Variants in PCDHA3 observed in about 807,000 individuals in gnomAD.
PCDHA3 encodes protocadherin alpha 3, also known as protocadherin alpha-3.
In PCDHA3, 41 loss-of-function variants were observed where a neutral mutation model predicts 62.2. The observed-to-expected ratio is 0.66, with a 90% CI of 0.51 to 0.86. PCDHA3 has a LOEUF of 0.86. Ranked by LOEUF, PCDHA3 falls within the 40% of genes least tolerant of loss-of-function variation. PCDHA3 has a pLI of 0.00. For missense variants in PCDHA3, 1,304 were observed against 1,241.2 expected, an observed-to-expected ratio of 1.05 and a Z score of -0.76; for synonymous variants, 640 against 555.4, an observed-to-expected ratio of 1.15 and a Z score of -2.14.
chr5:140,939,967 C>T (rs527732118), intron 1 of PCDHA3, among the ~76,000 whole-genome samples: 8 of 152,210 alleles, frequency 5.3e-5, no homozygotes, highest in African/African-American at 1.7e-4. Context: ...AAGTGTTCCA[C>T]GATGAATAGT....
chr5:140,829,832 G>A, intron 1 of PCDHA3: 1 of 1,613,932 alleles, frequency 6.2e-7, no homozygotes, highest in Non-Finnish European at 8.5e-7. Flanking sequence ...GAGCGAGCTG[G>A]TGCCGCGGTC....
intron 3 of PCDHA3, among the ~76,000 whole-genome samples, chr5:140,996,637 G>A (rs2097735642): frequency 6.6e-6 from 1 of 152,190 alleles, no homozygotes; most frequent in Admixed American, 6.5e-5. Flanking sequence ...TGCAAATTAT[G>A]TAGTTAATCC....
intron 1 of PCDHA3, chr5:140,857,539 G>T (rs782469087): frequency 6.3e-7 from 1 of 1,597,270 alleles, no homozygotes; most frequent in African/African-American, 1.3e-5. Flanking sequence ...TGGAGCGGCG[G>T]TTGGGCGAGC....
chr5:141,009,606 T>C (rs2098413036), intron 3 of PCDHA3, 21 bp from the exon 4 acceptor site: 1 of 1,609,858 alleles, frequency 6.2e-7, no homozygotes, highest in Non-Finnish European at 8.5e-7. Flanking sequence ...TGTTAATGAT[T>C]TGTAATGTTT....
chr5:140,941,191 T>TTTTTTTTCTTTC (rs1554213809), intron 1 of PCDHA3, among the ~76,000 whole-genome samples: 2 of 93,204 alleles, frequency 2.1e-5, no homozygotes, highest in African/African-American at 7.9e-5. Context: ...GCTTCTTTTT[T>TTTTTTTTCTTTC]TTTCTTTCTT....
At chr5:140,860,385 A>T (rs2046366779) in intron 1 of PCDHA3, 1 of 152,142 alleles carries the variant, frequency 6.6e-6, no homozygotes, top group African/African-American at 2.4e-5. Flanking sequence ...TATTTCAAAA[A>T]TTGAAAAAAG....
chr5:140,861,632 A>G (rs1314096154), intron 1 of PCDHA3: 8 of 308,696 alleles, frequency 2.6e-5, no homozygotes, highest in Non-Finnish European at 3.9e-5. Context: ...TGTTCTCAGC[A>G]ACACAAAAGA....
At chr5:140,970,316 A>G (rs547261671) in intron 1 of PCDHA3, among the ~76,000 whole-genome samples, 1 of 152,342 alleles carries the variant, frequency 6.6e-6, no homozygotes, top group African/African-American at 2.4e-5. Flanking sequence ...GTTAAATGAC[A>G]GTACTTCCAA....
intron 1 of PCDHA3, among the ~76,000 whole-genome samples, chr5:140,961,425 T>G (rs2095610907): frequency 6.6e-6 from 1 of 152,226 alleles, no homozygotes; most frequent in Admixed American, 6.5e-5. Context: ...TTTAAACAAT[T>G]ACAAAATCAC....
intron 1 of PCDHA3, among the ~76,000 whole-genome samples, chr5:140,951,377 G>T (rs2094577141): frequency 6.6e-6 from 1 of 152,070 alleles, no homozygotes; most frequent in Non-Finnish European, 1.5e-5. Context: ...AAACACCCAA[G>T]ACTCGGTAAT....
intron 1 of PCDHA3, among the ~76,000 whole-genome samples, chr5:140,833,457 A>AAGAAATTTAT (rs1374250716): frequency 2.0e-5 from 3 of 152,216 alleles, no homozygotes; most frequent in Non-Finnish European, 4.4e-5. Context: ...AATAAAATAA[A>AAGAAATTTAT]CTTACATTTT....
chr5:140,805,669 C>A (rs1238720033), intron 1 of PCDHA3: 6 of 832,912 alleles, frequency 7.2e-6, no homozygotes, highest in Non-Finnish European at 8.7e-6. Flanking sequence ...CATTAATACC[C>A]AGGATGATTC....
intron 1 of PCDHA3, among the ~76,000 whole-genome samples, chr5:140,969,910 A>G (rs1364534841): frequency 9.9e-5 from 15 of 152,216 alleles, no homozygotes; most frequent in African/African-American, 3.6e-4. Context: ...GTCACAAGTG[A>G]TAAAGCTGTA....
At chr5:140,884,175 C>T in intron 1 of PCDHA3, 1 of 1,613,438 alleles carries the variant, frequency 6.2e-7, no homozygotes, top group Non-Finnish European at 8.5e-7. Context: ...ACGACGCGCC[C>T]TCTGGACGAG....
intron 1 of PCDHA3, among the ~76,000 whole-genome samples, chr5:140,970,194 A>G (rs1202666673): frequency 6.6e-6 from 1 of 152,204 alleles, no homozygotes; most frequent in African/African-American, 2.4e-5. Context: ...TTGTAAGAGG[A>G]TTTCCCTGAA....
rs2150323482 is a variant in PCDHA3 at position 140,841,819 on chromosome 5, C to A, written c.2394+38228C>A. Reference sequence around the variant, plus strand: ...CCGATGCAGATGTTGGAGCTAACTCCGTGTTAACCTACAGGCTTAGCTCTC... The same window carrying A: ...CCGATGCAGATGTTGGAGCTAACTCAGTGTTAACCTACAGGCTTAGCTCTC... On this transcript the variant is annotated intron_variant, in intron 1 of 3. Transcript: ENST00000522353. The A allele has an allele frequency of 3.1e-6, 5 of 1,613,874 alleles. No individual in the cohort carries two copies. The South Asian group carries it at 5.5e-5, about 18-fold the overall frequency.
chr5:141,010,193 T>C lies in PCDHA3; in HGVS notation c.*256T>C, dbSNP rs782116962. Reference sequence around the variant, plus strand: ...CCTAAAAAGCAGACCCAAGTTTCCTTTCTCCTCCGCCGCAAAGGAGAGGCT... The same window carrying C: ...CCTAAAAAGCAGACCCAAGTTTCCTCTCTCCTCCGCCGCAAAGGAGAGGCT... On this transcript the variant is annotated 3_prime_UTR_variant, in exon 4 of 4. Transcript: ENST00000522353. 7.7e-6 allele frequency: 12 copies of C among 1,552,398 alleles called. No individual in the cohort carries two copies. The South Asian group carries it at 1.3e-4, about 17-fold the overall frequency.
intron 1 of PCDHA3, chr5:140,804,878 A>T: frequency 4.3e-5 from 24 of 558,476 alleles, no homozygotes; most frequent in East Asian, 6.8e-5. Context: ...ATTTTTCTTG[A>T]CTCCTCTCCT....
At chr5:140,807,105 G>A in intron 1 of PCDHA3, 1 of 1,454,334 alleles carries the variant, frequency 6.9e-7, no homozygotes, top group South Asian at 1.3e-5. Flanking sequence ...GGAGGATGCA[G>A]CTGCACTTGA....
Sources: gnomAD v4.1 joint callset for allele counts (sites outside exome capture counted in the v4.1 genomes callset) on GRCh38, gnomAD v4.1.1 for gene constraint, MANE v1.5 for transcripts, NCBI Gene and HGNC (gene_info 2026-07-23, HGNC 2026-07-21) for gene names.